Variants in VPS35 observed in about 807,000 individuals in gnomAD.
VPS35 encodes the protein vacuolar protein sorting-associated protein 35.
In VPS35, 21 loss-of-function variants were observed where a neutral mutation model predicts 98.1. That is an observed-to-expected ratio of 0.21 (90% CI 0.15 to 0.31). The LOEUF is 0.31. Ranked by LOEUF, VPS35 falls within the 10% of genes least tolerant of loss-of-function variation. The pLI is 1.00. For synonymous variants in VPS35, 268 were observed against 318.2 expected, an observed-to-expected ratio of 0.84 and a Z score of 1.68; for missense variants, 554 against 950.8, an observed-to-expected ratio of 0.58 and a Z score of 5.49.
At chr16:46,665,226 G>A (rs535370705) in intron 13 of VPS35, among the ~76,000 whole-genome samples, 4 of 152,280 alleles carry the variant, frequency 2.6e-5, no homozygotes, top group East Asian at 3.9e-4. Context: ...AATTACAAGC[G>A]AGGTTAAATA....
At chr16:46,678,819 C>T in intron 6 of VPS35, 124 bp downstream of exon 6, 1 of 978,408 alleles carries the variant, frequency 1.0e-6, no homozygotes, top group Admixed American at 2.4e-5. Flanking sequence ...TTTAAGTCTT[C>T]TTCAATAACA....
intron 10 of VPS35, among the ~76,000 whole-genome samples, chr16:46,673,254 A>G (rs1373146290): frequency 1.3e-5 from 2 of 152,056 alleles, no homozygotes; most frequent in African/African-American, 4.8e-5. Context: ...TACAGGTGCA[A>G]GCCACCACAC....
At position 46,674,393 on chromosome 16, in the gene VPS35, A is replaced by C. The variant is rs751599316; in HGVS notation, c.1081T>G (p.Cys361Gly). Residue 361 changes from cysteine (C) to glycine (G), a missense_variant, in exon 10 of 17, where the codon TGT becomes GGT. Cys to Gly is a radical substitution (Grantham distance 159). Coordinates refer to ENST00000299138, the MANE Select transcript of VPS35 (RefSeq NM_018206.6). ...ACATAGTCCACACGATCAGGGTAACATTTCATGGCAAGATTAATCAGAGAG... is the reference window on the plus strand; with the variant it reads ...ACATAGTCCACACGATCAGGGTAACCTTTCATGGCAAGATTAATCAGAGAG... ...QVSLINLAMK[C>G]YPDRVDYVDK... is the part of the protein sequence containing the mutation. 3 of 1,614,016 alleles carry C rather than the reference A, an allele frequency of 1.9e-6. No homozygotes were observed. The South Asian group carries it at 3.3e-5, about 18-fold the overall frequency.
chr16:46,681,032 TACACACACAC>T (rs3040555), intron 4 of VPS35, among the ~76,000 whole-genome samples, 179 bp from the exon 5 acceptor site: 38 of 142,110 alleles, frequency 2.7e-4, no homozygotes, highest in East Asian at 8.2e-4. Context: ...AAAAAAACTA[TACACACACAC>T]ACACACACAC....
At chr16:46,682,549 T>C in intron 2 of VPS35, 1 of 244,884 alleles carries the variant, frequency 4.1e-6, no homozygotes, top group Non-Finnish European at 8.1e-6. Flanking sequence ...TTGTCATGGG[T>C]TAAAGACTCT....
At chr16:46,681,901 G>T (rs1966240437) in intron 3 of VPS35, 178 bp downstream of exon 3, 1 of 607,712 alleles carries the variant, frequency 1.6e-6, no homozygotes, top group Non-Finnish European at 3.0e-6. Flanking sequence ...GCATAGGAAA[G>T]GAGTACTCTC....
At chr16:46,664,854 C>T (rs1357934005) in intron 13 of VPS35, among the ~76,000 whole-genome samples, 3 of 152,162 alleles carry the variant, frequency 2.0e-5, no homozygotes, top group South Asian at 2.1e-4. Flanking sequence ...ACAATCTTCC[C>T]GATACTAATT....
At chr16:46,666,080 T>C (rs1965984894) in intron 13 of VPS35, among the ~76,000 whole-genome samples, 1 of 151,274 alleles carries the variant, frequency 6.6e-6, no homozygotes, top group African/African-American at 2.4e-5. Context: ...ATTTTTGTAT[T>C]TTTAGTAGAG....
rs765423411 is a variant in VPS35, at chr16:46,682,191, G to A, written c.103-16C>T. ...TGTTTTTGTCCTACAGAAATACCAAGAGAATAGATGAGAATGCTTAATTTA... is the reference window on the plus strand; with the variant it reads ...TGTTTTTGTCCTACAGAAATACCAAAAGAATAGATGAGAATGCTTAATTTA... On this transcript the variant is annotated splice_polypyrimidine_tract_variant and intron_variant, in intron 2 of 16. Transcript: ENST00000299138. 8 of 1,512,746 alleles carry A rather than the reference G, an allele frequency of 5.3e-6. No homozygotes were observed. Among genetic ancestry groups the A allele is most frequent in the South Asian group, 1.1e-5 (1 of 88,864 alleles). The allele number at this position is 1,512,746 out of a possible 1,614,324, so 93.7% of individuals were successfully genotyped here.
intron 7 of VPS35, 116 bp downstream of exon 7, chr16:46,677,198 GA>G: frequency 1.0e-6 from 1 of 976,966 alleles, no homozygotes; most frequent in South Asian, 1.4e-5. Context: ...ACCCCGCAAG[GA>G]AAACTCTTTA....
intron 13 of VPS35, among the ~76,000 whole-genome samples, chr16:46,664,531 T>C (rs1965960863): frequency 6.6e-6 from 1 of 151,888 alleles, no homozygotes; most frequent in Non-Finnish European, 1.5e-5. Context: ...TTTTCTTTTT[T>C]TTTTTTTGAG....
At chr16:46,677,249 A>G in intron 7 of VPS35, 66 bp downstream of exon 7, 4 of 1,492,716 alleles carry the variant, frequency 2.7e-6, no homozygotes, top group Non-Finnish European at 3.7e-6. Context: ...AAATTTTTTC[A>G]AAACAATTAA....
chr16:46,674,725 T>C (rs1357963274), intron 8 of VPS35, 65 bp from the exon 9 acceptor site: 8 of 1,296,110 alleles, frequency 6.2e-6, no homozygotes, highest in Non-Finnish European at 8.6e-6. Flanking sequence ...AGATCATGGA[T>C]GACATCTTAT....
In VPS35 at chr16:46,658,623, G is replaced by T. The variant is rs779764620; in HGVS notation, c.*1849C>A. ...TCATGTCTTTTCTACTATTCCAGTT[G>T]TATTTCACAAAACATGTAAATAATA... On this transcript the variant is annotated 3_prime_UTR_variant, in exon 17 of 17. Coordinates refer to ENST00000299138, the MANE Select transcript of VPS35 (RefSeq NM_018206.6). 4 of 152,974 alleles carry T rather than the reference G, an allele frequency of 2.6e-5. No homozygotes were observed. Among genetic ancestry groups the T allele is most frequent in the African/African-American group, 9.7e-5 (4 of 41,438 alleles). 9.5% of individuals were successfully genotyped at this position (152,974 alleles called of 1,614,324 possible).
rs1965884817 is a variant in VPS35 at position 46,660,175 on chromosome 16, T to C, written c.*297A>G. On this transcript the variant is annotated 3_prime_UTR_variant, in exon 17 of 17. Transcript: ENST00000299138. ...GAGCTTCATTAGTAGCCAAGATAAG[T>C]GCTTGTGGGTTTTGTGTTTTTTTTT... 2 of 241,186 alleles carry C rather than the reference T, an allele frequency of 8.3e-6. No individual in the cohort carries two copies. Among genetic ancestry groups the C allele is most frequent in the South Asian group, 1.6e-4 (2 of 12,836 alleles). 14.9% of individuals were successfully genotyped at this position (241,186 alleles called of 1,614,324 possible).
intron 8 of VPS35, among the ~76,000 whole-genome samples, chr16:46,676,007 G>A (rs1966143715): frequency 7.2e-6 from 1 of 139,168 alleles, no homozygotes; most frequent in Non-Finnish European, 1.5e-5. Flanking sequence ...AGAGGTTGCA[G>A]TGAGCCGAGA....
chr16:46,680,867 G>A lies in VPS35; in HGVS notation c.324-14C>T, dbSNP rs1966223983. ...ATCAAAAGGTAACTAGGAAAATTAT[G>A]AAGAAATGCTGATTAGAAATAAAAT... On this transcript the variant is annotated splice_polypyrimidine_tract_variant and intron_variant, in intron 4 of 16. Coordinates refer to ENST00000299138, the MANE Select transcript of VPS35 (RefSeq NM_018206.6). The A allele has an allele frequency of 6.2e-7, 1 of 1,610,014 alleles. No homozygotes were observed. Among genetic ancestry groups the A allele is most frequent in the African/African-American group, 1.3e-5 (1 of 74,790 alleles).
At chr16:46,677,025 C>G (rs1372605813) in intron 7 of VPS35, among the ~76,000 whole-genome samples, 1 of 150,824 alleles carries the variant, frequency 6.6e-6, no homozygotes, top group African/African-American at 2.4e-5. Context: ...TTAGAAGAAG[C>G]AAGATTACAT....
At chr16:46,676,400 T>C in intron 8 of VPS35, 183 bp downstream of exon 8, 2 of 584,622 alleles carry the variant, frequency 3.4e-6, no homozygotes, top group Admixed American at 6.0e-5. Flanking sequence ...GTTAAGCCTC[T>C]TTCATGTCTA....
Sources: gnomAD v4.1 joint callset for allele counts (sites outside exome capture counted in the v4.1 genomes callset) on GRCh38, gnomAD v4.1.1 for gene constraint, MANE v1.5 for transcripts, NCBI Gene and HGNC (gene_info 2026-07-23, HGNC 2026-07-21) for gene names.